ANKS4B: variants seen among roughly 807,000 people sequenced by gnomAD.
The protein encoded by ANKS4B is ankyrin repeat and SAM domain-containing protein 4B.
ANKS4B carries 21 observed loss-of-function variants against 20.2 expected under a neutral mutation model. The ratio of observed to expected loss-of-function variants is 1.04; its 90% CI spans 0.74 to 1.50. The LOEUF (loss-of-function observed/expected upper bound fraction) is 1.50, where lower values mean the gene tolerates loss of function less well. Ranked by LOEUF, ANKS4B falls within the 40% of genes most tolerant of loss-of-function variation. The pLI is 0.00. For missense variants in ANKS4B, 473 were observed against 494.6 expected, an observed-to-expected ratio of 0.96 and a Z score of 0.41; for synonymous variants, 179 against 194.5, an observed-to-expected ratio of 0.92 and a Z score of 0.66.
Position 21,252,882 on chromosome 16 carries a change from G to A in ANKS4B, c.*2062G>A, listed in dbSNP as rs534742465. ...CTACTAAAAATACAAAAATTAGCCA[G>A]GTGTGGTGGCGTGTGCCTGTAATCC... On this transcript the variant is annotated 3_prime_UTR_variant, in exon 2 of 2. Transcript: ENST00000311620. 6.6e-6 allele frequency: 1 copy of A among 152,242 alleles called. No homozygotes were observed. The highest frequency in any genetic ancestry group is 1.5e-5 in the Non-Finnish European group (1 of 68,050). 9.4% of individuals were successfully genotyped at this position (152,242 alleles called of 1,614,324 possible). A position where few individuals can be genotyped will look rare whatever the true frequency, so the allele number is the denominator to read the frequency against.
chr16:21,250,709 C>A lies in ANKS4B; in HGVS notation c.1143C>A (p.Asp381Glu), dbSNP rs1028699985. ...LEALLLCSDE[D>E]LQSIQMQLGP... ...CTCTGCTGCTCTGCTCTGATGAGGA[C>A]CTTCAGAGCATACAAATGCAGCTGG... The change falls in exon 2 of 2, where the codon GAC (aspartate) becomes GAA (glutamate). Residue 381 changes from aspartate (D) to glutamate (E), a missense_variant. Transcript: ENST00000311620. 6.2e-7 allele frequency: 1 copy of A among 1,611,406 alleles called. No individual in the cohort carries two copies. Among genetic ancestry groups the A allele is most frequent in the Non-Finnish European group, 8.5e-7 (1 of 1,177,710 alleles).
intron 1 of ANKS4B, among the ~76,000 whole-genome samples, chr16:21,234,297 G>C (rs1567224224): frequency 6.7e-6 from 1 of 148,936 alleles, no homozygotes; most frequent in African/African-American, 2.5e-5. Context: ...CATGGTTTTA[G>C]TTTTTTTTTT....
At chr16:21,239,833 T>G (rs1234298307) in intron 1 of ANKS4B, among the ~76,000 whole-genome samples, 1 of 152,202 alleles carries the variant, frequency 6.6e-6, no homozygotes, top group African/African-American at 2.4e-5. Context: ...CCACATATTC[T>G]TACTGATAAG....
chr16:21,250,224 G>A lies in ANKS4B; in HGVS notation c.658G>A (p.Gly220Arg), dbSNP rs761793526. 5 of 1,614,170 alleles carry A rather than the reference G, an allele frequency of 3.1e-6. No homozygotes were observed. The highest frequency in any genetic ancestry group is 4.2e-6 in the Non-Finnish European group (5 of 1,180,032). ...KKNKDTAEQV[G>R]KEGRSGQRNV... ...GAACAAAGATACAGCAGAACAGGTG[G>A]GGAAGGAAGGCAGAAGTGGGCAGAG... The change falls in exon 2 of 2, where the codon GGG (glycine) becomes AGG (arginine). Residue 220 changes from glycine (G) to arginine (R), a missense_variant. By Grantham distance (125) the Gly-to-Arg change is moderately radical. Transcript: ENST00000311620.
chr16:21,236,204 G>C (rs139946738), intron 1 of ANKS4B, among the ~76,000 whole-genome samples: 3 of 152,044 alleles, frequency 2.0e-5, no homozygotes, highest in Admixed American at 6.6e-5. Flanking sequence ...GAGAGCAAGG[G>C]GGGAGGTGCT....
chr16:21,240,291 GATTCTT>G (rs1223537367), intron 1 of ANKS4B, among the ~76,000 whole-genome samples: 1 of 151,772 alleles, frequency 6.6e-6, no homozygotes, highest in Non-Finnish European at 1.5e-5. Context: ...TTTTCCCCCA[GATTCTT>G]TTTTTTTTGT....
In ANKS4B at chr16:21,252,855, C is replaced by T. The variant is rs1181616124; in HGVS notation, c.*2035C>T. ...CCTGGCCAACATGGCGGAAACCCGT[C>T]TCTACTAAAAATACAAAAATTAGCC... On this transcript the variant is annotated 3_prime_UTR_variant, in exon 2 of 2. Transcript: ENST00000311620. The T allele has an allele frequency of 2.6e-5, 4 of 152,042 alleles. 1 individual carries two copies. In the East Asian group the frequency reaches 7.7e-4, roughly 29 times the overall value. The allele number at this position is 152,042 out of a possible 1,614,324, so 9.4% of individuals were successfully genotyped here.
chr16:21,241,476 C>T (rs555577431), intron 1 of ANKS4B, among the ~76,000 whole-genome samples: 13 of 152,220 alleles, frequency 8.5e-5, no homozygotes, highest in African/African-American at 2.6e-4. Flanking sequence ...TGCAGTGGTG[C>T]GATCTCAGTT....
In ANKS4B at chr16:21,250,270, GAGAGGA is replaced by G. The variant is rs890943330; in HGVS notation, c.714_719del (p.Glu238_Glu239del). The G allele has an allele frequency of 3.1e-6, 5 of 1,614,096 alleles. No homozygotes were observed. Among genetic ancestry groups the G allele is most frequent in the Admixed American group, 1.7e-5 (1 of 60,010 alleles). On this transcript the variant is annotated inframe_deletion, in exon 2 of 2. Coordinates refer to ENST00000311620, the MANE Select transcript of ANKS4B (RefSeq NM_145865.3). ...CAGAGGAACGTGATGGAAGTGTTCA[GAGAGGA>G]AGAGGAAGACTCGTTCTCAGGGGAC...
rs200396356 is a variant in ANKS4B, at chr16:21,250,603, C to T, written c.1037C>T (p.Thr346Met). The T allele has an allele frequency of 9.9e-5, 159 of 1,613,944 alleles. No homozygotes were observed. The highest frequency in any genetic ancestry group is 1.2e-4 in the Non-Finnish European group (142 of 1,179,990). ...VEWEEDVVDA[T>M]PLEVFLLSQH... The stretch of plus-strand genomic sequence containing the variant: ...TGGGAGGAAGATGTGGTCGATGCCA[C>T]GCCCCTGGAAGTGTTCTTGCTGTCT... The change falls in exon 2 of 2, where the codon ACG (threonine) becomes ATG (methionine). Residue 346 changes from threonine to methionine, a missense_variant. Coordinates refer to ENST00000311620, the MANE Select transcript of ANKS4B (RefSeq NM_145865.3).
intron 1 of ANKS4B, among the ~76,000 whole-genome samples, chr16:21,237,606 A>AG (rs2093321783): frequency 6.6e-6 from 1 of 151,642 alleles, no homozygotes. Context: ...AAAAAAAAAA[A>AG]AGGCAAATTC....
chr16:21,245,008 C>T (rs78663816), intron 1 of ANKS4B, among the ~76,000 whole-genome samples: 1,826 of 152,306 alleles, frequency 0.012, 26 homozygotes, highest in African/African-American at 0.042. Context: ...CCTCTGCTCA[C>T]ACTGTTCTCT....
rs995965093 is a variant in ANKS4B, at chr16:21,251,007, A to G, written c.*187A>G. 8.8e-6 allele frequency: 6 copies of G among 683,024 alleles called. No individual in the cohort carries two copies. The Admixed American group carries it at 9.6e-5, about 11-fold the overall frequency. 42.3% of individuals were successfully genotyped at this position (683,024 alleles called of 1,614,324 possible). ...GCTATGCCCATCCAAATAAATCTCC[A>G]TGAGAAACTTGAGGAGACTTCATAA... On this transcript the variant is annotated 3_prime_UTR_variant, in exon 2 of 2. Transcript: ENST00000311620.
intron 1 of ANKS4B, among the ~76,000 whole-genome samples, chr16:21,239,486 C>A (rs1423795536): frequency 6.6e-6 from 1 of 152,132 alleles, no homozygotes; most frequent in East Asian, 1.9e-4. Context: ...GAGGCTGAGA[C>A]ACAAAAATTG....
In ANKS4B at chr16:21,251,465, A is replaced by T. The variant is rs975125816; in HGVS notation, c.*645A>T. The T allele has an allele frequency of 1.3e-5, 2 of 152,208 alleles. No individual in the cohort carries two copies. The highest frequency in any genetic ancestry group is 2.9e-5 in the Non-Finnish European group (2 of 68,050). The allele number at this position is 152,208 out of a possible 1,614,324, so 9.4% of individuals were successfully genotyped here. ...ATATGCATGACAGGAAAATGAAAGA[A>T]ACTTCCTTTACTTTTCTATCTCTGG... is the stretch of plus-strand genomic sequence containing the variant. On this transcript the variant is annotated 3_prime_UTR_variant, in exon 2 of 2. Coordinates refer to ENST00000311620, the MANE Select transcript of ANKS4B (RefSeq NM_145865.3).
At chr16:21,238,323 C>T (rs1403007461) in intron 1 of ANKS4B, among the ~76,000 whole-genome samples, 1 of 152,180 alleles carries the variant, frequency 6.6e-6, no homozygotes, top group Non-Finnish European at 1.5e-5. Context: ...TAACTTTATT[C>T]CCCATTTATA....
chr16:21,242,280 G>A (rs1380153574), intron 1 of ANKS4B, among the ~76,000 whole-genome samples: 3 of 152,080 alleles, frequency 2.0e-5, no homozygotes, highest in East Asian at 1.9e-4. Flanking sequence ...TCCGCCTCCC[G>A]GATTCAAGCA....
At chr16:21,249,616 T>C in intron 1 of ANKS4B, 115 bp from the exon 2 acceptor site, 1 of 1,189,274 alleles carries the variant, frequency 8.4e-7, no homozygotes, top group Non-Finnish European at 1.2e-6. Flanking sequence ...CAAGTCAGGA[T>C]GAACATGTTT....
In ANKS4B at chr16:21,250,639, A is replaced by G. The variant is rs1260831243; in HGVS notation, c.1073A>G (p.Glu358Gly). 10 of 1,613,856 alleles carry G rather than the reference A, an allele frequency of 6.2e-6. No individual in the cohort carries two copies. Among genetic ancestry groups the G allele is most frequent in the Non-Finnish European group, 8.5e-6 (10 of 1,179,878 alleles). ...GTGTTCTTGCTGTCTCAGCACCTGGAAGAATTCCTGCCTATCTTCAAGAGA... is the reference window on the plus strand; with the variant it reads ...GTGTTCTTGCTGTCTCAGCACCTGGGAGAATTCCTGCCTATCTTCAAGAGA... ...LEVFLLSQHL[E>G]EFLPIFKREQ... is the part of the protein sequence containing the mutation. Residue 358 changes from glutamate to glycine, a missense_variant, in exon 2 of 2, where the codon GAA becomes GGA. Glu to Gly is a moderately conservative substitution (Grantham distance 98). Coordinates refer to ENST00000311620, the MANE Select transcript of ANKS4B (RefSeq NM_145865.3).
Sources: gnomAD v4.1 joint callset for allele counts (sites outside exome capture counted in the v4.1 genomes callset) on GRCh38, gnomAD v4.1.1 for gene constraint, MANE v1.5 for transcripts, NCBI Gene and HGNC (gene_info 2026-07-23, HGNC 2026-07-21) for gene names.